Variants in CAMK2D observed in about 807,000 individuals in gnomAD.
CAMK2D encodes calcium/calmodulin dependent protein kinase II delta, also known as calcium/calmodulin-dependent protein kinase type II subunit delta.
In CAMK2D, 37 loss-of-function variants were observed where a neutral mutation model predicts 84.0. The ratio of observed to expected loss-of-function variants is 0.44; its 90% CI spans 0.34 to 0.58. CAMK2D has a LOEUF of 0.58. CAMK2D is among the 20% of genes least tolerant of loss of function. The pLI is 0.02. For synonymous variants in CAMK2D, 202 were observed against 212.5 expected (o/e 0.95, Z 0.43); for missense variants, 448 against 652.5 (o/e 0.69, Z 3.41).
intron 2 of CAMK2D, among the ~76,000 whole-genome samples, chr4:113,705,539 T>C (rs1159844007): frequency 6.6e-6 from 1 of 152,128 alleles, no homozygotes; most frequent in East Asian, 1.9e-4. Flanking sequence ...CAATGTAAGC[T>C]AGCTGGTCTT....
At chr4:113,699,697 C>T (rs2154347126) in intron 2 of CAMK2D, among the ~76,000 whole-genome samples, 1 of 152,268 alleles carries the variant, frequency 6.6e-6, no homozygotes, top group South Asian at 2.1e-4. Context: ...ATACATAGTA[C>T]ATACATTTTG....
intron 3 of CAMK2D, among the ~76,000 whole-genome samples, chr4:113,637,625 C>T (rs1177341996): frequency 6.6e-6 from 1 of 152,084 alleles, no homozygotes; most frequent in African/African-American, 2.4e-5. Flanking sequence ...TGCAAGAAAA[C>T]AGTAATCCAA....
intron 2 of CAMK2D, among the ~76,000 whole-genome samples, chr4:113,710,668 G>A (rs2099489374): frequency 6.6e-6 from 1 of 152,144 alleles, no homozygotes; most frequent in African/African-American, 2.4e-5. Context: ...CCATCCTACA[G>A]ACTATTTCTA....
chr4:113,615,432 T>A (rs1253366700), intron 3 of CAMK2D, among the ~76,000 whole-genome samples: 1 of 152,094 alleles, frequency 6.6e-6, no homozygotes, highest in Non-Finnish European at 1.5e-5. Context: ...CTGGCTTTAT[T>A]TATGACAAAG....
intron 6 of CAMK2D, among the ~76,000 whole-genome samples, chr4:113,542,757 C>T (rs189235811): frequency 1.7e-4 from 26 of 152,212 alleles, no homozygotes; most frequent in Non-Finnish European, 4.4e-5. Context: ...CATCTCCCCC[C>T]TTCCCTGAAA....
At chr4:113,511,126 TA>T (rs2098207276) in intron 12 of CAMK2D, among the ~76,000 whole-genome samples, 1 of 151,938 alleles carries the variant, frequency 6.6e-6, no homozygotes, top group African/African-American at 2.4e-5. Context: ...ACATTCCACA[TA>T]AAGGGAGAAA....
chr4:113,469,550 C>G (rs967255328), intron 16 of CAMK2D, among the ~76,000 whole-genome samples: 3 of 152,200 alleles, frequency 2.0e-5, no homozygotes, highest in Admixed American at 2.0e-4. Flanking sequence ...AAATAGTCAT[C>G]TATATTCCAA....
intron 8 of CAMK2D, among the ~76,000 whole-genome samples, chr4:113,523,906 C>G (rs1300625854): frequency 6.6e-6 from 1 of 151,872 alleles, no homozygotes; most frequent in Non-Finnish European, 1.5e-5. Context: ...CTTTTTCACC[C>G]AGGCTGAAGT....
chr4:113,692,585 C>T (rs1012574485), intron 2 of CAMK2D, among the ~76,000 whole-genome samples: 2 of 151,784 alleles, frequency 1.3e-5, no homozygotes, highest in Non-Finnish European at 2.9e-5. Flanking sequence ...CATATATTCA[C>T]ACATATTCAT....
At position 113,620,343 on chromosome 4, in the gene CAMK2D, T is replaced by C. The variant is rs1408698987; in HGVS notation, c.221-11137A>G. ...AGATTATTAGAGAACAGGGGGCAGT[T>C]TGCAAATATTATGATACTAGACTTA... On this transcript the variant is annotated intron_variant, in intron 3 of 20. Transcript: ENST00000511664. 3.3e-5 allele frequency among the ~76,000 whole-genome samples: 5 copies of C among 152,122 alleles called. No individual in the cohort carries two copies. The South Asian group carries it at 6.2e-4, about 19-fold the overall frequency.
chr4:113,724,303 G>A (rs562541726), intron 2 of CAMK2D, among the ~76,000 whole-genome samples: 6 of 150,948 alleles, frequency 4.0e-5, no homozygotes, highest in East Asian at 1.9e-4. Context: ...TACGATTCTC[G>A]GCATATTGTT....
chr4:113,528,553 AAG>A (rs1252776106), intron 8 of CAMK2D, among the ~76,000 whole-genome samples: 3 of 152,144 alleles, frequency 2.0e-5, no homozygotes, highest in Non-Finnish European at 4.4e-5. Flanking sequence ...CAGGCAAAGA[AAG>A]AGTATGAAAT....
intron 6 of CAMK2D, among the ~76,000 whole-genome samples, chr4:113,544,980 C>T (rs1011199790): frequency 6.6e-6 from 1 of 152,156 alleles, no homozygotes; most frequent in African/African-American, 2.4e-5. Context: ...CATAATTTCC[C>T]ACTGTCTAAT....
At chr4:113,710,518 C>T (rs539415203) in intron 2 of CAMK2D, among the ~76,000 whole-genome samples, 2 of 152,022 alleles carry the variant, frequency 1.3e-5, no homozygotes, top group African/African-American at 2.4e-5. Flanking sequence ...AGCTATCAAT[C>T]GATTATTCCT....
chr4:113,755,185 C>CACAA, intron 2 of CAMK2D: 1 of 246,214 alleles, frequency 4.1e-6, no homozygotes, highest in Non-Finnish European at 6.4e-6. Flanking sequence ...CACACACACA[C>CACAA]ACACACACAC....
intron 16 of CAMK2D, among the ~76,000 whole-genome samples, chr4:113,488,297 A>G (rs1363429528): frequency 6.6e-6 from 1 of 152,176 alleles, no homozygotes; most frequent in African/African-American, 2.4e-5. Flanking sequence ...TTGATTACAC[A>G]AAGTGTGAGT....
At chr4:113,646,182 A>C (rs1450136038) in intron 3 of CAMK2D, among the ~76,000 whole-genome samples, 1 of 152,208 alleles carries the variant, frequency 6.6e-6, no homozygotes, top group Non-Finnish European at 1.5e-5. Flanking sequence ...GTTAAAATTT[A>C]TGCTTTTCTC....
At chr4:113,651,241 T>C (rs980619071) in intron 3 of CAMK2D, among the ~76,000 whole-genome samples, 7 of 152,306 alleles carry the variant, frequency 4.6e-5, no homozygotes, top group African/African-American at 1.7e-4. Context: ...TTTCAAACAA[T>C]AACCTGACAT....
At chr4:113,733,468 A>T (rs2099573829) in intron 2 of CAMK2D, among the ~76,000 whole-genome samples, 3 of 152,202 alleles carry the variant, frequency 2.0e-5, no homozygotes. Context: ...TGCTAAACTG[A>T]ACATCTGGGT....
Sources: allele counts gnomAD v4.1 joint callset (sites outside exome capture counted in the v4.1 genomes callset), GRCh38; gene constraint gnomAD v4.1.1; transcripts MANE v1.5; gene names NCBI Gene and HGNC (gene_info 2026-07-23, HGNC 2026-07-21).